The following ADCY2 variants were observed in gnomAD, a reference collection of about 807,000 sequenced individuals.
The protein encoded by ADCY2 is adenylate cyclase 2, also known as adenylate cyclase type 2.
ADCY2 carries 31 observed loss-of-function variants against 125.2 expected under a neutral mutation model. The observed-to-expected ratio is 0.25, with a 90% CI of 0.19 to 0.33. ADCY2 has a LOEUF of 0.33. ADCY2 is among the 10% of genes least tolerant of loss of function. The probability of loss-of-function intolerance (pLI) is 1.00; values close to 1 mark genes in which losing one functional copy is unlikely to be tolerated. For missense variants in ADCY2, 904 were observed against 1,418.2 expected, an observed-to-expected ratio of 0.64 and a Z score of 5.82; for synonymous variants, 512 against 548.4, an observed-to-expected ratio of 0.93 and a Z score of 0.93.
intron 3 of ADCY2, among the ~76,000 whole-genome samples, chr5:7,527,361 T>G (rs1734509875): frequency 6.6e-6 from 1 of 152,248 alleles, no homozygotes; most frequent in Non-Finnish European, 1.5e-5. Flanking sequence ...AGTATCACTG[T>G]TGGCATAATA....
intron 4 of ADCY2, among the ~76,000 whole-genome samples, chr5:7,647,845 C>G (rs1249022589): frequency 6.6e-6 from 1 of 152,176 alleles, no homozygotes; most frequent in Non-Finnish European, 1.5e-5. Context: ...TTCATGTTTT[C>G]TAATATTCTC....
intron 3 of ADCY2, among the ~76,000 whole-genome samples, chr5:7,527,103 G>T (rs1234538829): frequency 1.3e-5 from 2 of 152,212 alleles, no homozygotes; most frequent in African/African-American, 4.8e-5. Flanking sequence ...ACTAGGAAAA[G>T]AAGATGTGAA....
At chr5:7,505,250 G>C (rs1743766132) in intron 2 of ADCY2, among the ~76,000 whole-genome samples, 1 of 152,208 alleles carries the variant, frequency 6.6e-6, no homozygotes, top group Non-Finnish European at 1.5e-5. Flanking sequence ...CATGATAGCA[G>C]TGATTGAATC....
At chr5:7,510,486 G>C (rs1744013825) in intron 2 of ADCY2, among the ~76,000 whole-genome samples, 1 of 152,200 alleles carries the variant, frequency 6.6e-6, no homozygotes, top group Non-Finnish European at 1.5e-5. Context: ...GGCTGATTCA[G>C]TCAATTTAGG....
rs562985334 is a variant in ADCY2 at position 7,584,833 on chromosome 5, G to A, written c.571-41334G>A. On this transcript the variant is annotated intron_variant, in intron 3 of 24. Coordinates refer to ENST00000338316, the MANE Select transcript of ADCY2 (RefSeq NM_020546.3). ...TTTGTGATGATGCACTTTTGTGGAC[G>A]CAAATTTGCCAAAATGCGTGAAATG... Among the ~76,000 whole-genome samples the A allele has an allele frequency of 1.4e-4, 22 of 152,118 alleles. No homozygotes were observed. The South Asian group carries it at 4.4e-3, about 30-fold the overall frequency.
rs1391753629 is a variant in ADCY2 at position 7,828,962 on chromosome 5, G to A, written c.*2091G>A. 1.3e-5 allele frequency: 2 copies of A among 152,300 alleles called. No individual in the cohort carries two copies. Among genetic ancestry groups the A allele is most frequent in the African/African-American group, 4.8e-5 (2 of 41,416 alleles). 9.4% of individuals were successfully genotyped at this position (152,300 alleles called of 1,614,324 possible). A position where few individuals can be genotyped will look rare whatever the true frequency, so the allele number is the denominator to read the frequency against. On this transcript the variant is annotated 3_prime_UTR_variant, in exon 25 of 25. Coordinates refer to ENST00000338316, the MANE Select transcript of ADCY2 (RefSeq NM_020546.3). ...TTCCCCCACGGGGTGCACCGAACTT[G>A]GGTTTGCGCTAAAAAGAACTCAAAA...
At chr5:7,717,108 T>A in intron 11 of ADCY2, 49 bp from the exon 12 acceptor site, 2 of 1,310,584 alleles carry the variant, frequency 1.5e-6, no homozygotes, top group Non-Finnish European at 2.2e-6. Flanking sequence ...GGCTTAATAT[T>A]TATTTTACTA....
intron 3 of ADCY2, among the ~76,000 whole-genome samples, chr5:7,567,929 T>C (rs201376320): frequency 1.4e-5 from 2 of 146,458 alleles, no homozygotes; most frequent in African/African-American, 5.0e-5. Context: ...CGTCCTCTCT[T>C]TCTCTCTCTC....
At chr5:7,800,449 G>A (rs10059009) in intron 20 of ADCY2, 1 of 152,182 alleles carries the variant, frequency 6.6e-6, no homozygotes, top group Admixed American at 6.6e-5. Flanking sequence ...GGATCACGAG[G>A]TCAGGAGTTC....
At chr5:7,502,375 C>T (rs1171257301) in intron 2 of ADCY2, among the ~76,000 whole-genome samples, 1 of 152,142 alleles carries the variant, frequency 6.6e-6, no homozygotes, top group East Asian at 1.9e-4. Context: ...GATGACCAAA[C>T]CCCTCCAGTC....
chr5:7,534,763 G>A (rs182825284), intron 3 of ADCY2, among the ~76,000 whole-genome samples: 1 of 152,326 alleles, frequency 6.6e-6, no homozygotes, highest in East Asian at 1.9e-4. Context: ...CAGAGCTAAG[G>A]CAGTGTGGCG....
At chr5:7,751,220 C>T (rs1742804318) in intron 15 of ADCY2, among the ~76,000 whole-genome samples, 1 of 152,122 alleles carries the variant, frequency 6.6e-6, no homozygotes, top group East Asian at 1.9e-4. Flanking sequence ...CTTAACAACT[C>T]ACTCATTCAT....
chr5:7,429,083 C>T (rs2126370568), intron 2 of ADCY2, among the ~76,000 whole-genome samples: 1 of 152,156 alleles, frequency 6.6e-6, no homozygotes, highest in African/African-American at 2.4e-5. Flanking sequence ...CAGCAGAGTA[C>T]TGACAGGCAC....
chr5:7,543,352 T>G (rs1458343364), intron 3 of ADCY2, among the ~76,000 whole-genome samples: 1 of 152,156 alleles, frequency 6.6e-6, no homozygotes, highest in Non-Finnish European at 1.5e-5. Context: ...GATTAATATT[T>G]TAATTAATTG....
intron 3 of ADCY2, among the ~76,000 whole-genome samples, chr5:7,539,817 A>G (rs1734937177): frequency 6.6e-6 from 1 of 152,236 alleles, no homozygotes; most frequent in Admixed American, 6.5e-5. Context: ...TTTATGTACA[A>G]ACATAGGCAG....
intron 20 of ADCY2, among the ~76,000 whole-genome samples, chr5:7,793,310 G>A (rs2892607): frequency 0.79 from 120,817 of 152,160 alleles, 48,560 homozygotes; most frequent in African/African-American, 0.87. Flanking sequence ...AGTTAGCCGG[G>A]CATGGTGGTA....
At chr5:7,501,884 C>G (rs1389443014) in intron 2 of ADCY2, among the ~76,000 whole-genome samples, 2 of 152,060 alleles carry the variant, frequency 1.3e-5, no homozygotes, top group African/African-American at 4.8e-5. Flanking sequence ...GACCCACACT[C>G]TCGTCATTTC....
intron 7 of ADCY2, among the ~76,000 whole-genome samples, chr5:7,702,389 C>G (rs1741112902): frequency 6.6e-6 from 1 of 151,916 alleles, no homozygotes; most frequent in African/African-American, 2.4e-5. Flanking sequence ...TCCTCCCACC[C>G]CACGACAGGC....
intron 3 of ADCY2, among the ~76,000 whole-genome samples, chr5:7,544,151 A>C (rs1265797767): frequency 6.6e-6 from 1 of 152,092 alleles, no homozygotes; most frequent in Non-Finnish European, 1.5e-5. Flanking sequence ...CCCACCCATC[A>C]GAACATTAGC....
Sources: gnomAD v4.1 joint callset for allele counts (sites outside exome capture counted in the v4.1 genomes callset) on GRCh38, gnomAD v4.1.1 for gene constraint, MANE v1.5 for transcripts, NCBI Gene and HGNC (gene_info 2026-07-23, HGNC 2026-07-21) for gene names.